Variants in DENND4B observed in about 807,000 individuals in gnomAD.
The protein encoded by DENND4B is DENN domain-containing protein 4B.
DENND4B carries 67 observed loss-of-function variants against 161.0 expected under a neutral mutation model. That is an observed-to-expected ratio of 0.42 (90% CI 0.34 to 0.51). The LOEUF (loss-of-function observed/expected upper bound fraction) is 0.51. Among genes scored for constraint, DENND4B ranks in the 20% least tolerant of loss-of-function variants. The pLI, the probability that DENND4B is intolerant of heterozygous loss-of-function variation, is 0.08. For missense variants in DENND4B, 1,481 were observed against 1,968.0 expected (o/e 0.75, Z 4.68); for synonymous variants, 753 against 813.8 (o/e 0.93, Z 1.27).
Position 153,940,290 on chromosome 1 carries a change from G to C in DENND4B, c.1503-34C>G, listed in dbSNP as rs557110982. On this transcript the variant is annotated intron_variant, in intron 10 of 27. Coordinates refer to ENST00000361217, the MANE Select transcript of DENND4B (RefSeq NM_014856.3). The surrounding 1 kb of genome is among the most constrained non-coding windows in gnomAD (Gnocchi z 5.6). ...AAAGCATAAGGGGAAAGAGTGGCGA[G>C]GCTCTGGGATAGGGTGACGGGGTTC... 36 of 1,574,156 alleles carry C rather than the reference G, an allele frequency of 2.3e-5. No individual in the cohort carries two copies. Among genetic ancestry groups the C allele is most frequent in the Non-Finnish European group, 3.0e-5 (35 of 1,160,396 alleles).
In DENND4B at chr1:153,944,499, G is replaced by A. The variant is rs1485777598; in HGVS notation, c.-23-102C>T. On this transcript the variant is annotated intron_variant, in intron 1 of 27. Transcript: ENST00000361217. The surrounding 1 kb of genome is among the most constrained non-coding windows in gnomAD (Gnocchi z 4.8). ...CCCTCCTCTTCCTAGTCCTTCCAAA[G>A]AAAGGCAGGATAAGGGGTCGGCCAA... 8.0e-7 allele frequency: 1 copy of A among 1,250,864 alleles called. No individual in the cohort carries two copies. Among genetic ancestry groups the A allele is most frequent in the African/African-American group, 1.5e-5 (1 of 65,436 alleles). The allele number at this position is 1,250,864 out of a possible 1,614,324, so 77.5% of individuals were successfully genotyped here. A position where few individuals can be genotyped will look rare whatever the true frequency, so the allele number is the denominator to read the frequency against.
chr1:153,944,405 G>T lies in DENND4B; in HGVS notation c.-23-8C>A, dbSNP rs774608891. The T allele has an allele frequency of 1.3e-6, 2 of 1,573,268 alleles. No individual in the cohort carries two copies. Among genetic ancestry groups the T allele is most frequent in the Non-Finnish European group, 1.7e-6 (2 of 1,160,280 alleles). On this transcript the variant is annotated splice_polypyrimidine_tract_variant and splice_region_variant and intron_variant, in intron 1 of 27. Coordinates refer to ENST00000361217, the MANE Select transcript of DENND4B (RefSeq NM_014856.3). The surrounding 1 kb of genome is among the most constrained non-coding windows in gnomAD (Gnocchi z 4.8). ...CCCCCTCACTCACTGCATCTGGAATGGTCAAGTGGGAGAGAGATGAAGCAA... is the reference window on the plus strand; with the variant it reads ...CCCCCTCACTCACTGCATCTGGAATTGTCAAGTGGGAGAGAGATGAAGCAA...
Position 153,937,876 on chromosome 1 carries a change from T to A in DENND4B, c.1966-13A>T, listed in dbSNP as rs1408641990. Reference sequence around the variant, plus strand: ...GCTCTGGGTGGACCTGGAGAAGGATTTTAAGAGAGCAAGTGTTGAGATGGT... The same window carrying A: ...GCTCTGGGTGGACCTGGAGAAGGATATTAAGAGAGCAAGTGTTGAGATGGT... On this transcript the variant is annotated splice_polypyrimidine_tract_variant and intron_variant, in intron 13 of 27. Coordinates refer to ENST00000361217, the MANE Select transcript of DENND4B (RefSeq NM_014856.3). The surrounding 1 kb of genome is among the most constrained non-coding windows in gnomAD (Gnocchi z 4.7). The A allele has an allele frequency of 6.2e-7, 1 of 1,613,892 alleles. No homozygotes were observed. The highest frequency in any genetic ancestry group is 1.1e-5 in the South Asian group (1 of 91,076).
Position 153,944,198 on chromosome 1 carries a change from C to T in DENND4B, c.177G>A (p.Glu59=). The change falls in exon 2 of 28, where the codon GAG becomes GAA. Residue 59 remains glutamate, a synonymous_variant. Coordinates refer to ENST00000361217, the MANE Select transcript of DENND4B (RefSeq NM_014856.3). This position sits in a 1 kb window ranked among gnomAD's most constrained non-coding sequence, Gnocchi z 4.8. ...TGCATGTGTAGCCCTGGGGCACTTC[C>T]TCGCCCAGTGCCCTAGCGATGACTG... ...DVAVIARALG[E]EVPQGYTCIQ... 6.2e-7 allele frequency: 1 copy of T among 1,611,228 alleles called. No homozygotes were observed. The highest frequency in any genetic ancestry group is 8.5e-7 in the Non-Finnish European group (1 of 1,178,694).
intron 13 of DENND4B, among the ~76,000 whole-genome samples, 199 bp from the exon 14 acceptor site, chr1:153,938,062 A>G (rs960001790): frequency 2.0e-5 from 3 of 152,222 alleles, no homozygotes; most frequent in Non-Finnish European, 4.4e-5. Context: ...TGTGCACTGT[A>G]TAACTCCAGA....
In DENND4B at chr1:153,934,668, C is replaced by A; in HGVS notation, c.2773+92G>T. 1 of 1,507,796 alleles carries A rather than the reference C, an allele frequency of 6.6e-7. No individual in the cohort carries two copies. The allele number at this position is 1,507,796 out of a possible 1,614,324, so 93.4% of individuals were successfully genotyped here. ...TTTATCAATCCCCAGAAACCCAATG[C>A]CAACCATTAGACCAGCCCCAACTCT... On this transcript the variant is annotated intron_variant, in intron 18 of 27. Transcript: ENST00000361217. This position sits in a 1 kb window ranked among gnomAD's most constrained non-coding sequence, Gnocchi z 5.3.
At position 153,934,042 on chromosome 1, in the gene DENND4B, G is replaced by T; in HGVS notation, c.2941+93C>A. 1 of 1,463,058 alleles carries T rather than the reference G, an allele frequency of 6.8e-7. No homozygotes were observed. Among genetic ancestry groups the T allele is most frequent in the Non-Finnish European group, 9.0e-7 (1 of 1,105,628 alleles). The allele number at this position is 1,463,058 out of a possible 1,614,324, so 90.6% of individuals were successfully genotyped here. A position where few individuals can be genotyped will look rare whatever the true frequency, so the allele number is the denominator to read the frequency against. ...TCTACAGCACCCACCACAGAGGGCC[G>T]CCCTCCACTCTGTTTCTGGTCTTCC... is the stretch of plus-strand genomic sequence containing the variant. On this transcript the variant is annotated intron_variant, in intron 19 of 27. Coordinates refer to ENST00000361217, the MANE Select transcript of DENND4B (RefSeq NM_014856.3). The surrounding 1 kb of genome is among the most constrained non-coding windows in gnomAD (Gnocchi z 5.3).
At position 153,930,662 on chromosome 1, in the gene DENND4B, C is replaced by T; in HGVS notation, c.4280+30G>A. On this transcript the variant is annotated intron_variant, in intron 26 of 27. Coordinates refer to ENST00000361217, the MANE Select transcript of DENND4B (RefSeq NM_014856.3). This position sits in a 1 kb window ranked among gnomAD's most constrained non-coding sequence, Gnocchi z 4.7. Reference sequence around the variant, plus strand: ...AAAGGGGTGTGGAGCCCCGGACAGACCAGGGATCACCCAGATGGTAGCACC... The same window carrying T: ...AAAGGGGTGTGGAGCCCCGGACAGATCAGGGATCACCCAGATGGTAGCACC... The T allele has an allele frequency of 6.2e-7, 1 of 1,613,468 alleles. No individual in the cohort carries two copies. The highest frequency in any genetic ancestry group is 8.5e-7 in the Non-Finnish European group (1 of 1,179,624).
At position 153,942,363 on chromosome 1, in the gene DENND4B, C is replaced by T. The variant is rs758763889; in HGVS notation, c.641-7G>A. The T allele has an allele frequency of 1.9e-5, 31 of 1,608,564 alleles. No homozygotes were observed. The highest frequency in any genetic ancestry group is 2.5e-5 in the Non-Finnish European group (29 of 1,177,076). ...GGGTAGCGGCCCAGCAGCTCTGCACCCCCAGCATAGTTGGGGGTACCCAAA... is the reference window on the plus strand; with the variant it reads ...GGGTAGCGGCCCAGCAGCTCTGCACTCCCAGCATAGTTGGGGGTACCCAAA... On this transcript the variant is annotated splice_polypyrimidine_tract_variant and splice_region_variant and intron_variant, in intron 4 of 27. Transcript: ENST00000361217. This position sits in a 1 kb window ranked among gnomAD's most constrained non-coding sequence, Gnocchi z 6.9.
In DENND4B at chr1:153,933,094, C is replaced by G; in HGVS notation, c.3454-64G>C. ...CCGCCAGCACTCTGGAGCCCATGCCCCTTCCCCAGCCCCTCCCACCTCCTC... is the reference window on the plus strand; with the variant it reads ...CCGCCAGCACTCTGGAGCCCATGCCGCTTCCCCAGCCCCTCCCACCTCCTC... On this transcript the variant is annotated intron_variant, in intron 21 of 27. Coordinates refer to ENST00000361217, the MANE Select transcript of DENND4B (RefSeq NM_014856.3). This position sits in a 1 kb window ranked among gnomAD's most constrained non-coding sequence, Gnocchi z 5.7. 1.2e-6 allele frequency: 2 copies of G among 1,610,362 alleles called. No individual in the cohort carries two copies. The highest frequency in any genetic ancestry group is 2.2e-5 in the East Asian group (1 of 44,794).
rs559706765 is a variant in DENND4B at position 153,941,062 on chromosome 1, C to T, written c.1182-14G>A. 10 of 1,551,972 alleles carry T rather than the reference C, an allele frequency of 6.4e-6. No individual in the cohort carries two copies. Among genetic ancestry groups the T allele is most frequent in the African/African-American group, 1.4e-5 (1 of 73,216 alleles). On this transcript the variant is annotated splice_polypyrimidine_tract_variant and intron_variant, in intron 8 of 27. Coordinates refer to ENST00000361217, the MANE Select transcript of DENND4B (RefSeq NM_014856.3). ...AAGCTGGCACCACTGCAGGCAATGC[C>T]GAGGTGGGGAAAGGGTCACCAGGAT... is the stretch of plus-strand genomic sequence containing the variant.
Position 153,940,274 on chromosome 1 carries a change from G to A in DENND4B, c.1503-18C>T. Reference sequence around the variant, plus strand: ...CCTCAGTCCTGTGAGAAAAGCATAAGGGGAAAGAGTGGCGAGGCTCTGGGA... The same window carrying A: ...CCTCAGTCCTGTGAGAAAAGCATAAAGGGAAAGAGTGGCGAGGCTCTGGGA... On this transcript the variant is annotated intron_variant, in intron 10 of 27. Coordinates refer to ENST00000361217, the MANE Select transcript of DENND4B (RefSeq NM_014856.3). This position sits in a 1 kb window ranked among gnomAD's most constrained non-coding sequence, Gnocchi z 5.6. 2 of 1,584,898 alleles carry A rather than the reference G, an allele frequency of 1.3e-6. No individual in the cohort carries two copies. The highest frequency in any genetic ancestry group is 2.3e-5 in the South Asian group (2 of 86,618).
In DENND4B at chr1:153,940,082, CCA is replaced by C; in HGVS notation, c.1603+72_1603+73del. Reference sequence around the variant, plus strand: ...ACCTCCTTAAGAAATGTCTAGCTCCCCACAGACCTCTGCAAACTGGAGGTTTG... The same window carrying C: ...ACCTCCTTAAGAAATGTCTAGCTCCCCAGACCTCTGCAAACTGGAGGTTTG... On this transcript the variant is annotated intron_variant, in intron 11 of 27. Coordinates refer to ENST00000361217, the MANE Select transcript of DENND4B (RefSeq NM_014856.3). The surrounding 1 kb of genome is among the most constrained non-coding windows in gnomAD (Gnocchi z 5.6). 1 of 1,312,770 alleles carries C rather than the reference CCA, an allele frequency of 7.6e-7. No individual in the cohort carries two copies. The highest frequency in any genetic ancestry group is 1.0e-6 in the Non-Finnish European group (1 of 960,564). 81.3% of individuals were successfully genotyped at this position (1,312,770 alleles called of 1,614,324 possible). A position where few individuals can be genotyped will look rare whatever the true frequency, so the allele number is the denominator to read the frequency against.
chr1:153,931,559 G>A (rs1377301947), intron 24 of DENND4B, among the ~76,000 whole-genome samples: 2 of 150,200 alleles, frequency 1.3e-5, no homozygotes, highest in East Asian at 2.0e-4. Context: ...GTGCAGTGGC[G>A]CGATCTCAGC....
Position 153,944,074 on chromosome 1 carries a change from G to C in DENND4B, c.301C>G (p.Pro101Ala). ...GGCACACACCCCAGCTCAACGAGGG[G>C]GGGCTTGTCACGGCCCCTGCGGTAG... is the stretch of plus-strand genomic sequence containing the variant. ...ICYRRGRDKP[P>A]LVELGVLYEG... The change falls in exon 2 of 28, where the codon CCC (proline) becomes GCC (alanine). Residue 101 changes from proline (P) to alanine (A), a missense_variant. This residue lies in a region of DENND4B where 806 missense variants were observed against 1,134.4 expected (regional missense o/e 0.71). Transcript: ENST00000361217. The surrounding 1 kb of genome is among the most constrained non-coding windows in gnomAD (Gnocchi z 4.8). The C allele has an allele frequency of 1.9e-6, 3 of 1,574,576 alleles. No homozygotes were observed.
In DENND4B at chr1:153,941,931, G is replaced by A. The variant is rs550814217; in HGVS notation, c.993C>T (p.Arg331=). The part of the protein sequence containing the change: ...LSRWPAFPAF[R]AFLTFLYRYS... ...AGCGGTAAAGGAAGGTGAGGAAGGC[G>A]CGGAAGGCAGGGAAGGCAGGCCAGC... Residue 331 remains arginine (R), a synonymous_variant, in exon 6 of 28, where the codon CGC becomes CGT. Transcript: ENST00000361217. 8.6e-5 allele frequency: 139 copies of A among 1,612,394 alleles called. 1 individual carries two copies. The South Asian group carries it at 1.3e-3, about 15-fold the overall frequency.
rs771712444 is a variant in DENND4B, at chr1:153,933,754, C to T, written c.3059G>A (p.Gly1020Asp). Residue 1020 changes from glycine (G) to aspartate (D), a missense_variant, in exon 20 of 28, where the codon GGC becomes GAC. Transcript: ENST00000361217. The surrounding 1 kb of genome is among the most constrained non-coding windows in gnomAD (Gnocchi z 5.7). ...CTGGGCACTCAGGGCTGAGCCTGAG[C>T]CCCCTGGGCTGCCTCCAGGGAGCGG... ...EEPLPGGSPGGSGSALSAQST... is the reference protein window; with the variant it reads ...EEPLPGGSPGDSGSALSAQST... The T allele has an allele frequency of 1.9e-6, 3 of 1,604,102 alleles. No individual in the cohort carries two copies. The African/African-American group carries it at 4.0e-5, about 21-fold the overall frequency.
In DENND4B at chr1:153,932,354, G is replaced by A. The variant is rs200370634; in HGVS notation, c.3846C>T (p.Asn1282=). Residue 1282 remains asparagine (N), a synonymous_variant, in exon 24 of 28, where the codon AAC becomes AAT. Transcript: ENST00000361217. The surrounding 1 kb of genome is among the most constrained non-coding windows in gnomAD (Gnocchi z 5.8). ...LRKELESLVE[N]EGSEVLALPE... Reference sequence around the variant, plus strand: ...GCAACGCCAGCACCTCACTGCCCTCGTTCTCTACCAGCGACTCCAGCTCCT... The same window carrying A: ...GCAACGCCAGCACCTCACTGCCCTCATTCTCTACCAGCGACTCCAGCTCCT... The A allele has an allele frequency of 4.5e-5, 73 of 1,613,722 alleles. No homozygotes were observed. Among genetic ancestry groups the A allele is most frequent in the Non-Finnish European group, 5.4e-5 (64 of 1,179,824 alleles).
chr1:153,937,390 A>G lies in DENND4B; in HGVS notation c.2232+98T>C, dbSNP rs1479607045. The G allele has an allele frequency of 6.3e-6, 9 of 1,425,452 alleles. No homozygotes were observed. In the African/African-American group the frequency reaches 7.2e-5, roughly 11 times the overall value. 88.3% of individuals were successfully genotyped at this position (1,425,452 alleles called of 1,614,324 possible). A position where few individuals can be genotyped will look rare whatever the true frequency, so the allele number is the denominator to read the frequency against. The stretch of plus-strand genomic sequence containing the variant: ...AAACTCCTAACAACCTCATGGGTTA[A>G]GTATTATTGTTATACCCATTTTGTA... On this transcript the variant is annotated intron_variant, in intron 15 of 27. Transcript: ENST00000361217. The surrounding 1 kb of genome is among the most constrained non-coding windows in gnomAD (Gnocchi z 4.7).
Sources: gnomAD v4.1 joint callset for allele counts (sites outside exome capture counted in the v4.1 genomes callset) on GRCh38, gnomAD v4.1.1 for gene constraint, gnomAD v4.1.1 regional missense constraint, Gnocchi (gnomAD v3.1) non-coding constraint, MANE v1.5 for transcripts, NCBI Gene and HGNC (gene_info 2026-07-23, HGNC 2026-07-21) for gene names.